PLEKHG1: variants seen among roughly 807,000 people sequenced by gnomAD.
PLEKHG1 encodes pleckstrin homology and RhoGEF domain containing G1.
A neutral mutation model predicts 100.8 loss-of-function variants in PLEKHG1; 44 were observed. That is an observed-to-expected ratio of 0.44 (90% confidence interval 0.34 to 0.56). The LOEUF (loss-of-function observed/expected upper bound fraction) is 0.56. Among genes scored for constraint, PLEKHG1 ranks in the 20% least tolerant of loss-of-function variants. The probability of loss-of-function intolerance (pLI) is 0.01; values close to 1 mark genes in which losing one functional copy is unlikely to be tolerated. For missense variants in PLEKHG1, 1,545 were observed against 1,720.9 expected, an observed-to-expected ratio of 0.90 and a Z score of 1.81; for synonymous variants, 640 against 662.5, an observed-to-expected ratio of 0.97 and a Z score of 0.52.
At chr6:150,716,963 G>A (rs118032657), upstream of PLEKHG1, among the ~76,000 whole-genome samples, 291 of 151,536 alleles carry the variant, frequency 1.9e-3, 2 homozygotes, top group East Asian at 0.031. Flanking sequence ...GCCATGCTCC[G>A]ACCTCAGCCT....
chr6:150,618,738 A>T (rs1326850743), intron 1 of PLEKHG1, among the ~76,000 whole-genome samples: 2 of 152,214 alleles, frequency 1.3e-5, no homozygotes, highest in Non-Finnish European at 2.9e-5. Context: ...AAAATTTCTG[A>T]CATTTAACAG....
In PLEKHG1 at chr6:150,840,624, C is replaced by T. The variant is rs779410123; in HGVS notation, c.3886C>T (p.His1296Tyr). 4.9e-5 allele frequency: 79 copies of T among 1,614,074 alleles called. No individual in the cohort carries two copies. The highest frequency in any genetic ancestry group is 6.4e-5 in the Non-Finnish European group (75 of 1,180,032). Residue 1296 changes from histidine to tyrosine, a missense_variant, in exon 16 of 16, where the codon CAC (histidine) becomes TAC (tyrosine). By Grantham distance (83) the His-to-Tyr change is moderately conservative. Coordinates refer to ENST00000358517, the Ensembl canonical transcript of PLEKHG1. The stretch of plus-strand genomic sequence containing the variant: ...AGATGAGTCGGAGTTGGAGCTATCT[C>T]ACAATCGTAGAAGGAAATCTGACTC...
At chr6:150,699,557 C>T (rs900243438) in intron 3 of PLEKHG1, among the ~76,000 whole-genome samples, 1 of 152,200 alleles carries the variant, frequency 6.6e-6, no homozygotes, top group Admixed American at 6.5e-5. Flanking sequence ...GGTGGCCAAG[C>T]CCTGGGTTCC....
intron 1 of PLEKHG1, among the ~76,000 whole-genome samples, chr6:150,733,202 T>C (rs1224764528): frequency 6.6e-6 from 1 of 152,212 alleles, no homozygotes; most frequent in East Asian, 1.9e-4. Flanking sequence ...CCTGGTGCCC[T>C]GACCGCTCAG....
At chr6:150,791,738 C>A (rs960844439) in intron 4 of PLEKHG1, among the ~76,000 whole-genome samples, 1 of 150,674 alleles carries the variant, frequency 6.6e-6, no homozygotes, top group African/African-American at 2.4e-5. Flanking sequence ...GACTTTGAAG[C>A]CATGTAAATA....
intron 3 of PLEKHG1, among the ~76,000 whole-genome samples, chr6:150,708,036 A>C (rs1781095883): frequency 6.6e-6 from 1 of 152,030 alleles, no homozygotes; most frequent in African/African-American, 2.4e-5. Context: ...TGGGCCCCCC[A>C]AATCTCTACC....
In PLEKHG1 at chr6:150,752,328, A is replaced by G. The variant is rs56050409; in HGVS notation, c.412-16310A>G. ...ACTTATTTTAACCATTTTTACATAC[A>G]TAATTCAGTGGCATTAAGTATATAC... On this transcript the variant is annotated intron_variant, in intron 2 of 15. Transcript: ENST00000358517. 5.6e-3 allele frequency among the ~76,000 whole-genome samples: 851 copies of G among 152,338 alleles called. 10 individuals are homozygous for G. Among genetic ancestry groups the G allele is most frequent in the African/African-American group, 0.02 (814 of 41,572 alleles).
intron 3 of PLEKHG1, among the ~76,000 whole-genome samples, chr6:150,675,024 C>T (rs143079374): frequency 1.3e-5 from 2 of 152,230 alleles, no homozygotes; most frequent in Non-Finnish European, 2.9e-5. Context: ...AAATTGCAAA[C>T]CGTTTGCTAT....
chr6:150,748,621 T>C (rs1444480220), intron 2 of PLEKHG1, among the ~76,000 whole-genome samples: 2 of 147,636 alleles, frequency 1.4e-5, no homozygotes, highest in Non-Finnish European at 3.0e-5. Flanking sequence ...TGACCTTTTT[T>C]TTTTTTTTTT....
intron 2 of PLEKHG1, among the ~76,000 whole-genome samples, chr6:150,745,664 CAG>C (rs1228837734): frequency 7.0e-6 from 1 of 143,810 alleles, no homozygotes; most frequent in African/African-American, 2.6e-5. Flanking sequence ...GCCTGGGTGA[CAG>C]AGCGAGACTC....
At chr6:150,771,733 T>C (rs1784723708) in intron 3 of PLEKHG1, among the ~76,000 whole-genome samples, 1 of 152,000 alleles carries the variant, frequency 6.6e-6, no homozygotes, top group South Asian at 2.1e-4. Context: ...CAGCTCCTAT[T>C]AGTTCAGGTC....
intron 3 of PLEKHG1, among the ~76,000 whole-genome samples, chr6:150,666,585 G>C (rs1455999760): frequency 6.6e-6 from 1 of 152,120 alleles, no homozygotes. Flanking sequence ...GTTCATTGCA[G>C]ACACAGAAAA....
chr6:150,688,723 AAGTAAAAACAT>A (rs1780235087), intron 3 of PLEKHG1, among the ~76,000 whole-genome samples: 1 of 152,332 alleles, frequency 6.6e-6, no homozygotes, highest in Middle Eastern at 3.4e-3. Context: ...CAAGGTAACA[AAGTAAAAACAT>A]AGTAAAAACT....
intron 2 of PLEKHG1, among the ~76,000 whole-genome samples, chr6:150,763,402 T>C (rs1296927382): frequency 6.6e-6 from 1 of 152,044 alleles, no homozygotes; most frequent in Non-Finnish European, 1.5e-5. Flanking sequence ...GGCTGGAAAA[T>C]CAAACCCATG....
intron 2 of PLEKHG1, among the ~76,000 whole-genome samples, chr6:150,749,595 A>G (rs567126917): frequency 6.6e-6 from 1 of 152,272 alleles, no homozygotes; most frequent in African/African-American, 2.4e-5. Context: ...GTATGTGATA[A>G]TTAAAGGACC....
chr6:150,756,522 G>A (rs1583064616), intron 2 of PLEKHG1, among the ~76,000 whole-genome samples: 1 of 152,112 alleles, frequency 6.6e-6, no homozygotes, highest in South Asian at 2.1e-4. Context: ...TTGACAAACC[G>A]CCCATAAAGA....
At chr6:150,701,467 A>G (rs181543507) in intron 3 of PLEKHG1, among the ~76,000 whole-genome samples, 7 of 79,090 alleles carry the variant, frequency 8.9e-5, no homozygotes, top group Non-Finnish European at 1.4e-4. Flanking sequence ...ATATATATAT[A>G]ATTATACTTT....
chr6:150,631,546 T>G (rs1777748443), intron 1 of PLEKHG1, among the ~76,000 whole-genome samples: 1 of 152,192 alleles, frequency 6.6e-6, no homozygotes. Context: ...AGAAGCATCT[T>G]TAGGTCAATA....
intron 3 of PLEKHG1, among the ~76,000 whole-genome samples, chr6:150,677,240 G>T (rs1779787362): frequency 6.6e-6 from 1 of 151,910 alleles, no homozygotes; most frequent in Admixed American, 6.6e-5. Context: ...TATGTGGCCT[G>T]GTGCCTACTA....
Sources: gnomAD v4.1 joint callset for allele counts (sites outside exome capture counted in the v4.1 genomes callset) on GRCh38, gnomAD v4.1.1 for gene constraint, MANE v1.5 for transcripts, NCBI Gene and HGNC (gene_info 2026-07-23, HGNC 2026-07-21) for gene names.